The following PDZRN4 variants were observed in gnomAD, a reference collection of about 807,000 sequenced individuals.
PDZRN4 encodes the protein PDZ domain containing ring finger 4.
PDZRN4 carries 70 observed loss-of-function variants against 99.0 expected under a neutral mutation model. That is an observed-to-expected ratio of 0.71 (90% CI 0.58 to 0.86). PDZRN4 has a LOEUF of 0.86. PDZRN4 is among the 40% of genes least tolerant of loss of function. The probability of loss-of-function intolerance (pLI) is 0.00; values close to 1 mark genes in which losing one functional copy is unlikely to be tolerated. For synonymous variants in PDZRN4, 551 were observed against 501.6 expected (o/e 1.10, Z -1.32); for missense variants, 1,474 against 1,331.2 (o/e 1.11, Z -1.67).
At chr12:41,362,488 A>T (rs1351050075) in intron 3 of PDZRN4, among the ~76,000 whole-genome samples, 4 of 152,044 alleles carry the variant, frequency 2.6e-5, no homozygotes. Flanking sequence ...GCTACATAAG[A>T]TGGAGGCTAT....
rs376732382 is a variant in PDZRN4, at chr12:41,478,318, G to T, written c.844-28138G>T. ...TTTAGTAAAGACGAGGTTTCAGCAT[G>T]TTGGCCAGGCTGATCTCCAGCTCCT... On this transcript the variant is annotated intron_variant, in intron 3 of 9. Coordinates refer to ENST00000402685, the MANE Select transcript of PDZRN4 (RefSeq NM_001164595.2). Among the ~76,000 whole-genome samples the T allele has an allele frequency of 4.6e-5, 7 of 152,192 alleles. No homozygotes were observed. The Middle Eastern group carries it at 0.01, about 222-fold the overall frequency.
At chr12:41,222,034 C>A (rs574550972) in intron 3 of PDZRN4, among the ~76,000 whole-genome samples, 12 of 152,176 alleles carry the variant, frequency 7.9e-5, no homozygotes, top group Non-Finnish European at 1.6e-4. Flanking sequence ...AGCAGCATTG[C>A]AATGCTCACA....
At chr12:41,313,408 T>C (rs756118100) in intron 3 of PDZRN4, among the ~76,000 whole-genome samples, 1 of 152,222 alleles carries the variant, frequency 6.6e-6, no homozygotes, top group Non-Finnish European at 1.5e-5. Context: ...GCAATGTTCC[T>C]ACTAACAAGT....
intron 3 of PDZRN4, among the ~76,000 whole-genome samples, chr12:41,490,635 G>A (rs147540133): frequency 3.6e-4 from 55 of 151,952 alleles, no homozygotes; most frequent in African/African-American, 1.3e-3. Flanking sequence ...TCCCCCACAG[G>A]AGCACCTCCT....
intron 5 of PDZRN4, among the ~76,000 whole-genome samples, chr12:41,539,182 C>T (rs1031317354): frequency 2.6e-5 from 4 of 151,822 alleles, no homozygotes; most frequent in South Asian, 4.1e-4. Context: ...GACATATCTC[C>T]TCAAAATGAC....
intron 3 of PDZRN4, among the ~76,000 whole-genome samples, chr12:41,359,809 G>T (rs1235938376): frequency 6.6e-6 from 1 of 151,894 alleles, no homozygotes; most frequent in Non-Finnish European, 1.5e-5. Flanking sequence ...CGTGAGAACG[G>T]ACTTATACAT....
At chr12:41,284,195 C>T (rs1462846694) in intron 3 of PDZRN4, among the ~76,000 whole-genome samples, 1 of 152,178 alleles carries the variant, frequency 6.6e-6, no homozygotes, top group African/African-American at 2.4e-5. Context: ...AAAGAAATTA[C>T]TAGCATTCCT....
chr12:41,416,181 G>GTTCATA (rs917895588), intron 3 of PDZRN4, among the ~76,000 whole-genome samples: 2 of 152,156 alleles, frequency 1.3e-5, no homozygotes, highest in Admixed American at 1.3e-4. Context: ...CAAAATTTAT[G>GTTCATA]TTCATATTTG....
At chr12:41,495,074 A>G (rs1353238632) in intron 3 of PDZRN4, among the ~76,000 whole-genome samples, 1 of 152,062 alleles carries the variant, frequency 6.6e-6, no homozygotes, top group Non-Finnish European at 1.5e-5. Context: ...TTTATATCCT[A>G]CACAAAGGTA....
chr12:41,393,378 T>G (rs1449612969), intron 3 of PDZRN4, among the ~76,000 whole-genome samples: 1 of 152,146 alleles, frequency 6.6e-6, no homozygotes, highest in Admixed American at 6.6e-5. Context: ...TGCAACCCAA[T>G]TAGTTGTAGC....
intron 5 of PDZRN4, among the ~76,000 whole-genome samples, chr12:41,528,141 C>G (rs1272420466): frequency 1.3e-5 from 2 of 152,142 alleles, no homozygotes; most frequent in African/African-American, 4.8e-5. Context: ...TCACCTCATG[C>G]ATGGATGGTG....
intron 3 of PDZRN4, among the ~76,000 whole-genome samples, chr12:41,321,374 C>G (rs1565551170): frequency 6.6e-6 from 1 of 152,140 alleles, no homozygotes; most frequent in Non-Finnish European, 1.5e-5. Flanking sequence ...ATTTCTGGAT[C>G]TGTTTTTAAT....
intron 3 of PDZRN4, among the ~76,000 whole-genome samples, chr12:41,452,724 CTGTG>C (rs1413523692): frequency 6.6e-6 from 1 of 152,270 alleles, no homozygotes; most frequent in South Asian, 2.1e-4. Context: ...AACACCTCGT[CTGTG>C]TAAGTCCAAA....
chr12:41,497,368 T>C (rs977582313), intron 3 of PDZRN4, among the ~76,000 whole-genome samples: 1 of 152,136 alleles, frequency 6.6e-6, no homozygotes, highest in Admixed American at 6.6e-5. Flanking sequence ...CTTTATATCC[T>C]TAGACCTGTT....
intron 3 of PDZRN4, among the ~76,000 whole-genome samples, chr12:41,336,448 A>G (rs1015014061): frequency 2.0e-5 from 3 of 152,106 alleles, no homozygotes; most frequent in Non-Finnish European, 1.5e-5. Context: ...TTCTCCATAT[A>G]AGGAAGTGTC....
At chr12:41,508,623 G>A (rs1356417378) in intron 4 of PDZRN4, among the ~76,000 whole-genome samples, 1 of 152,142 alleles carries the variant, frequency 6.6e-6, no homozygotes, top group Non-Finnish European at 1.5e-5. Flanking sequence ...GCCCAAAAGG[G>A]CTATGCGGAC....
At chr12:41,314,235 G>A (rs1951624755) in intron 3 of PDZRN4, among the ~76,000 whole-genome samples, 1 of 152,086 alleles carries the variant, frequency 6.6e-6, no homozygotes, top group Non-Finnish European at 1.5e-5. Context: ...TCTTTTCATA[G>A]GTGATCCCTA....
At chr12:41,426,727 A>G (rs1218798905) in intron 3 of PDZRN4, among the ~76,000 whole-genome samples, 3 of 152,250 alleles carry the variant, frequency 2.0e-5, no homozygotes, top group Non-Finnish European at 4.4e-5. Context: ...TAACAGATCC[A>G]GTAATCTTCA....
intron 2 of PDZRN4, among the ~76,000 whole-genome samples, chr12:41,192,650 T>C (rs747316075): frequency 1.1e-4 from 17 of 152,146 alleles, no homozygotes; most frequent in Non-Finnish European, 2.2e-4. Flanking sequence ...TAATACAGAC[T>C]AGGAAGAAAA....
Sources: gnomAD v4.1 joint callset for allele counts (sites outside exome capture counted in the v4.1 genomes callset) on GRCh38, gnomAD v4.1.1 for gene constraint, MANE v1.5 for transcripts, NCBI Gene and HGNC (gene_info 2026-07-23, HGNC 2026-07-21) for gene names.